Variants in TRIM3 observed in about 807,000 individuals in gnomAD.
The protein encoded by TRIM3 is tripartite motif-containing protein 3.
TRIM3 carries 13 observed loss-of-function variants against 66.6 expected under a neutral mutation model. The observed-to-expected ratio is 0.20, with a 90% CI of 0.13 to 0.31. The LOEUF (loss-of-function observed/expected upper bound fraction) is 0.31. TRIM3 is among the 10% of genes least tolerant of loss of function. TRIM3 has a pLI of 1.00. For synonymous variants in TRIM3, 406 were observed against 411.7 expected (o/e 0.99, Z 0.17); for missense variants, 711 against 1,020.4 (o/e 0.70, Z 4.13).
Position 6,457,547 on chromosome 11 carries a change from AC to A in TRIM3, c.516-72del. On this transcript the variant is annotated intron_variant, in intron 4 of 11. Coordinates refer to ENST00000345851, the MANE Select transcript of TRIM3 (RefSeq NM_033278.4). The surrounding 1 kb of genome is among the most constrained non-coding windows in gnomAD (Gnocchi z 4.5). ...CCGAACTTTCCCTTCTCCCTGGGGA[AC>A]CTACTGCTGCCCTCATGGAGATCTC... is the stretch of plus-strand genomic sequence containing the variant. The A allele has an allele frequency of 6.3e-7, 1 of 1,575,140 alleles. No individual in the cohort carries two copies. The highest frequency in any genetic ancestry group is 1.2e-5 in the South Asian group (1 of 86,030).
In TRIM3 at chr11:6,451,383, G is replaced by C; in HGVS notation, c.1589C>G (p.Pro530Arg). The part of the protein sequence containing the change: ...KFRFGVRGRS[P>R]GQLQRPTGVA... ...ACCTGTGGGGCGCTGCAGCTGCCCA[G>C]GTGAGCGTCCTCGGACCCCAAAACG... The change falls in exon 8 of 12, where the codon CCT (proline) becomes CGT (arginine). Residue 530 changes from proline to arginine, a missense_variant. Around this residue, in one of 3 missense-constraint regions of TRIM3, gnomAD observed 163 missense variants for 321.9 expected, o/e 0.51. Coordinates refer to ENST00000345851, the MANE Select transcript of TRIM3 (RefSeq NM_033278.4). 1 of 1,614,206 alleles carries C rather than the reference G, an allele frequency of 6.2e-7. No homozygotes were observed. Among genetic ancestry groups the C allele is most frequent in the Admixed American group, 1.7e-5 (1 of 60,020 alleles).
At chr11:6,466,898 G>T (rs978962279) in intron 1 of TRIM3, among the ~76,000 whole-genome samples, 5 of 152,172 alleles carry the variant, frequency 3.3e-5, no homozygotes, top group African/African-American at 1.2e-4. Flanking sequence ...TCCACTCCAT[G>T]CAGTGTTATT....
In TRIM3 at chr11:6,449,550, A is replaced by C. The variant is rs1849635610; in HGVS notation, c.1942-104T>G. 2.6e-6 allele frequency: 3 copies of C among 1,158,636 alleles called. No homozygotes were observed. The highest frequency in any genetic ancestry group is 3.1e-5 in the African/African-American group (2 of 64,324). 71.8% of individuals were successfully genotyped at this position (1,158,636 alleles called of 1,614,324 possible). A position where few individuals can be genotyped will look rare whatever the true frequency, so the allele number is the denominator to read the frequency against. On this transcript the variant is annotated intron_variant, in intron 10 of 11. Transcript: ENST00000345851. This position sits in a 1 kb window ranked among gnomAD's most constrained non-coding sequence, Gnocchi z 5.3. ...CCCAGGGCTGAGAACCCCCACCCAG[A>C]TCTACAGCTACAGCCCAAATCTGCT...
At chr11:6,451,119 AC>A in intron 8 of TRIM3, 59 bp from the exon 9 acceptor site, 1 of 1,604,130 alleles carries the variant, frequency 6.2e-7, no homozygotes, top group South Asian at 1.1e-5. Context: ...AGTAGTCCTA[AC>A]CCAGTACCAA....
In TRIM3 at chr11:6,464,638, G is replaced by A. The variant is rs1313249821; in HGVS notation, c.131+927C>T. ...CCTACTTGATTGTTACCCATTCTAT[G>A]CTTGTGTAACAATGTATCACATGTT... On this transcript the variant is annotated intron_variant, in intron 2 of 11. Coordinates refer to ENST00000345851, the MANE Select transcript of TRIM3 (RefSeq NM_033278.4). Among the ~76,000 whole-genome samples the A allele has an allele frequency of 3.9e-5, 6 of 152,120 alleles. No individual in the cohort carries two copies. The East Asian group carries it at 1.2e-3, about 29-fold the overall frequency.
In TRIM3 at chr11:6,456,729, G is replaced by A. The variant is rs774474685; in HGVS notation, c.997C>T (p.Arg333Cys). The A allele has an allele frequency of 6.8e-6, 11 of 1,609,698 alleles. No individual in the cohort carries two copies. The highest frequency in any genetic ancestry group is 9.3e-6 in the Non-Finnish European group (11 of 1,179,258). ...HETVATGEGL[R>C]QALVGQPASL... is the part of the protein sequence containing the mutation. ...GCAGGCTGGCCCACTAGCGCCTGGCGCAGGCCCTCTCCCGTGGCCACCGTT... is the reference window on the plus strand; with the variant it reads ...GCAGGCTGGCCCACTAGCGCCTGGCACAGGCCCTCTCCCGTGGCCACCGTT... The change falls in exon 6 of 12, where the codon CGC (arginine) becomes TGC (cysteine). Residue 333 changes from arginine to cysteine, a missense_variant. By Grantham distance (180) the Arg-to-Cys change is radical (BLOSUM62 -3). Around this residue, in one of 3 missense-constraint regions of TRIM3, gnomAD observed 399 missense variants for 458.1 expected, o/e 0.87. Transcript: ENST00000345851. This position sits in a 1 kb window ranked among gnomAD's most constrained non-coding sequence, Gnocchi z 6.4.
At chr11:6,473,980 G>C (rs1231808235), upstream of TRIM3, 1 of 151,274 alleles carries the variant, frequency 6.6e-6, no homozygotes, top group Non-Finnish European at 1.5e-5. Flanking sequence ...CGGACCGGCC[G>C]GGGGAGGGGG....
intron 2 of TRIM3, among the ~76,000 whole-genome samples, chr11:6,462,923 C>G (rs189175118): frequency 1.8e-4 from 27 of 151,770 alleles, no homozygotes; most frequent in Middle Eastern, 3.4e-3. Flanking sequence ...AAAATTGAAA[C>G]AAGCTGGGCA....
chr11:6,455,365 A>C (rs890983962), intron 7 of TRIM3, among the ~76,000 whole-genome samples: 1 of 152,164 alleles, frequency 6.6e-6, no homozygotes, highest in Non-Finnish European at 1.5e-5. Flanking sequence ...CTGAGCTTTT[A>C]ACTGCTCTGC....
rs781766734 is a variant in TRIM3, at chr11:6,458,005, A to G, written c.363+60T>C. 3.0e-5 allele frequency: 47 copies of G among 1,545,938 alleles called. No individual in the cohort carries two copies. Among genetic ancestry groups the G allele is most frequent in the Admixed American group, 2.8e-4 (16 of 56,850 alleles). ...TCACCCAGCCACTCGGCACCCCCCA[A>G]TGCCTCTCCTCCTCCTCCCACCCCA... On this transcript the variant is annotated intron_variant, in intron 3 of 11. Coordinates refer to ENST00000345851, the MANE Select transcript of TRIM3 (RefSeq NM_033278.4). This position sits in a 1 kb window ranked among gnomAD's most constrained non-coding sequence, Gnocchi z 6.2.
chr11:6,458,261 G>C lies in TRIM3; in HGVS notation c.167C>G (p.Thr56Arg). 6.2e-7 allele frequency: 1 copy of C among 1,614,166 alleles called. No individual in the cohort carries two copies. The change falls in exon 3 of 12, where the codon ACG becomes AGG. Residue 56 changes from threonine (T) to arginine (R), a missense_variant. Thr to Arg is a moderately conservative substitution (Grantham distance 71, BLOSUM62 -1). This residue lies in a region of TRIM3 where 149 missense variants were observed against 240.3 expected (regional missense o/e 0.62). Transcript: ENST00000345851. The surrounding 1 kb of genome is among the most constrained non-coding windows in gnomAD (Gnocchi z 6.2). ...LQNYIPAQSLTLSCPVCRQTS... is the reference protein window; with the variant it reads ...LQNYIPAQSLRLSCPVCRQTS... ...CTGCCGGCATACTGGACAGGATAGC[G>C]TCAGGCTCTGGGCAGGGATATAGTT...
Position 6,449,249 on chromosome 11 carries a change from G to A in TRIM3, c.2082+57C>T. 1 of 1,609,592 alleles carries A rather than the reference G, an allele frequency of 6.2e-7. No homozygotes were observed. The highest frequency in any genetic ancestry group is 8.5e-7 in the Non-Finnish European group (1 of 1,176,168). ...GATGAGAGTCTGTTTTGGGGGAACG[G>A]GCATATGGGACACACCAGGAAACCG... is the stretch of plus-strand genomic sequence containing the variant. On this transcript the variant is annotated intron_variant, in intron 11 of 11. Coordinates refer to ENST00000345851, the MANE Select transcript of TRIM3 (RefSeq NM_033278.4). This position sits in a 1 kb window ranked among gnomAD's most constrained non-coding sequence, Gnocchi z 5.3.
intron 2 of TRIM3, among the ~76,000 whole-genome samples, chr11:6,459,490 C>G (rs1850131127): frequency 6.6e-6 from 1 of 152,164 alleles, no homozygotes; most frequent in Non-Finnish European, 1.5e-5. Flanking sequence ...GCATATGTGC[C>G]AGGTGCCATG....
At chr11:6,466,664 TTC>T (rs1001427759) in intron 1 of TRIM3, among the ~76,000 whole-genome samples, 1 of 151,322 alleles carries the variant, frequency 6.6e-6, no homozygotes, top group Non-Finnish European at 1.5e-5. Context: ...CAGGCATTCG[TTC>T]TCTCTGTCCT....
chr11:6,460,223 T>G lies in TRIM3; in HGVS notation c.132-1927A>C, dbSNP rs376703451. Among the ~76,000 whole-genome samples the G allele has an allele frequency of 6.6e-5, 10 of 152,270 alleles. No homozygotes were observed. The East Asian group carries it at 1.3e-3, about 21-fold the overall frequency. ...AAGGTAAGGACAGGAAAATGTCCAC[T>G]GAATTTGGCAAATGTGAGGGTACTT... On this transcript the variant is annotated intron_variant, in intron 2 of 11. Transcript: ENST00000345851.
intron 1 of TRIM3, among the ~76,000 whole-genome samples, chr11:6,471,054 T>C (rs567933513): frequency 3.9e-5 from 6 of 152,164 alleles, no homozygotes; most frequent in Non-Finnish European, 7.3e-5. Flanking sequence ...AAGAAGCTGA[T>C]TGTGAACAAA....
At chr11:6,465,817 C>G (rs1850441383) in intron 1 of TRIM3, 85 bp from the exon 2 acceptor site, 1 of 1,294,984 alleles carries the variant, frequency 7.7e-7, no homozygotes. Context: ...CTGCAGAGAA[C>G]TTGCCCCCAC....
In TRIM3 at chr11:6,449,682, C is replaced by G. The variant is rs372680385; in HGVS notation, c.1942-236G>C. The G allele has an allele frequency of 1.1e-5, 5 of 463,802 alleles. No individual in the cohort carries two copies. The highest frequency in any genetic ancestry group is 9.8e-5 in the African/African-American group (5 of 51,258). 28.7% of individuals were successfully genotyped at this position (463,802 alleles called of 1,614,324 possible). ...TCATTTTCTTTGGGAAATCAGTTCT[C>G]TTAGTTCTCTATCTCAATGACTGGT... On this transcript the variant is annotated intron_variant, in intron 10 of 11. Coordinates refer to ENST00000345851, the MANE Select transcript of TRIM3 (RefSeq NM_033278.4). The surrounding 1 kb of genome is among the most constrained non-coding windows in gnomAD (Gnocchi z 5.3).
upstream of TRIM3, chr11:6,474,236 G>A (rs1333537736): frequency 6.6e-6 from 1 of 152,236 alleles, no homozygotes; most frequent in Non-Finnish European, 1.5e-5. Context: ...CTCAGGGATT[G>A]AGATGAGACT....
Sources: gnomAD v4.1 joint callset for allele counts (sites outside exome capture counted in the v4.1 genomes callset) on GRCh38, gnomAD v4.1.1 for gene constraint, gnomAD v4.1.1 regional missense constraint, Gnocchi (gnomAD v3.1) non-coding constraint, MANE v1.5 for transcripts, NCBI Gene and HGNC (gene_info 2026-07-23, HGNC 2026-07-21) for gene names.